NLGN4X: variants seen among roughly 807,000 people sequenced by gnomAD.
NLGN4X encodes the protein neuroligin 4 X-linked.
A neutral mutation model predicts 40.3 loss-of-function variants in NLGN4X; 3 were observed. The observed-to-expected ratio is 0.07, with a 90% CI of 0.03 to 0.19. The LOEUF (loss-of-function observed/expected upper bound fraction) is 0.19, where lower values mean the gene tolerates loss of function less well. Ranked by LOEUF, NLGN4X falls within the 10% of genes least tolerant of loss-of-function variation. The pLI, the probability that NLGN4X is intolerant of heterozygous loss-of-function variation, is 1.00. For missense variants in NLGN4X, 382 were observed against 708.3 expected (o/e 0.54, Z 5.23); for synonymous variants, 270 against 306.8 (o/e 0.88, Z 1.25).
In NLGN4X at chrX:6,049,227, A is replaced by AAGGGGAAGGGAGGGG. The variant is rs1569207590; in HGVS notation, c.473-19796_473-19795insCCCCTCCCTTCCCCT. On this transcript the variant is annotated intron_variant, in intron 2 of 5. Coordinates refer to ENST00000381095, the MANE Select transcript of NLGN4X (RefSeq NM_181332.3). Reference sequence around the variant, plus strand: ...TGGTCATTTAAGCTCCAGGCCAGGAAAGGGGAGGGGAGGGGAGGGGAGGGG... The same window carrying AAGGGGAAGGGAGGGG: ...TGGTCATTTAAGCTCCAGGCCAGGAAAGGGGAAGGGAGGGGAGGGGAGGGGAGGGGAGGGGAGGGG... Among the ~76,000 whole-genome samples the AAGGGGAAGGGAGGGG allele has an allele frequency of 4.2e-4, 4 of 9,585 alleles. 1 individual carries two copies. The highest frequency in any genetic ancestry group is 1.2e-3 in the African/African-American group (4 of 3,216). The allele number at this position is 9,585 out of a possible 115,157, so 8.3% of individuals were successfully genotyped here.
chrX:5,942,029 G>C (rs1362133908), intron 3 of NLGN4X, among the ~76,000 whole-genome samples: 1 of 111,244 alleles, frequency 9.0e-6, no homozygotes, highest in Admixed American at 9.6e-5. Context: ...GCTTAGGTGG[G>C]AGAACTGCTT....
intron 2 of NLGN4X, among the ~76,000 whole-genome samples, chrX:6,055,474 C>T (rs1475294925): frequency 9.0e-6 from 1 of 111,537 alleles, no homozygotes; most frequent in Admixed American, 9.5e-5. Context: ...GAGCAAGACA[C>T]TGAGAACTAC....
chrX:5,921,390 C>CGAGAGAGA (rs2033039435), intron 3 of NLGN4X, among the ~76,000 whole-genome samples: 1 of 17,193 alleles, frequency 5.8e-5, no homozygotes, highest in African/African-American at 2.3e-4. Context: ...TGAAAATGAA[C>CGAGAGAGA]CAGAGAGAGA....
intron 1 of NLGN4X, among the ~76,000 whole-genome samples, chrX:6,171,259 A>C (rs1480366083): frequency 8.9e-6 from 1 of 112,137 alleles, no homozygotes; most frequent in Non-Finnish European, 1.9e-5. Flanking sequence ...TTTTCATTTC[A>C]TGCTTTTCTG....
intron 3 of NLGN4X, among the ~76,000 whole-genome samples, chrX:5,957,143 A>G (rs1165266702): frequency 2.7e-5 from 3 of 111,931 alleles, no homozygotes; most frequent in Non-Finnish European, 5.6e-5. Flanking sequence ...ATCCTTGGGA[A>G]TCCCTGGTTT....
intron 2 of NLGN4X, among the ~76,000 whole-genome samples, chrX:6,036,679 T>C: frequency 9.1e-6 from 1 of 109,875 alleles, no homozygotes; most frequent in South Asian, 4.0e-4. Flanking sequence ...GTGAGTTTCC[T>C]TTATCTTCTC....
intron 3 of NLGN4X, among the ~76,000 whole-genome samples, chrX:5,995,783 C>T (rs764429487): frequency 1.8e-5 from 2 of 111,800 alleles, no homozygotes; most frequent in African/African-American, 6.5e-5. Context: ...TAAAAGTACC[C>T]TGTTCTTTTA....
chrX:6,225,889 C>CCT (rs1926240832), intron 1 of NLGN4X, among the ~76,000 whole-genome samples: 2 of 67,032 alleles, frequency 3.0e-5, no homozygotes, highest in Admixed American at 1.5e-4. Flanking sequence ...CAACAAACCA[C>CCT]CGCCCCCCCC....
At chrX:6,054,464 A>G (rs1014017320) in intron 2 of NLGN4X, among the ~76,000 whole-genome samples, 4 of 110,446 alleles carry the variant, frequency 3.6e-5, no homozygotes, top group African/African-American at 1.3e-4. Flanking sequence ...AAATAAAAAT[A>G]GAAAAATTAG....
At chrX:6,200,230 A>T (rs940202444) in intron 1 of NLGN4X, among the ~76,000 whole-genome samples, 5 of 112,310 alleles carry the variant, frequency 4.5e-5, no homozygotes, top group African/African-American at 1.6e-4. Flanking sequence ...ATAAGTAGAC[A>T]AAGAATAAAA....
intron 3 of NLGN4X, among the ~76,000 whole-genome samples, chrX:5,935,158 G>T (rs920576880): frequency 8.9e-6 from 1 of 111,771 alleles, no homozygotes; most frequent in African/African-American, 3.2e-5. Flanking sequence ...TATTAAAGAA[G>T]ATACTGAATA....
Position 6,054,682 on chromosome X carries a change from T to G in NLGN4X, c.473-25250A>C, listed in dbSNP as rs182409284. Among the ~76,000 whole-genome samples the G allele has an allele frequency of 7.3e-5, 8 of 109,971 alleles. No individual in the cohort carries two copies. The East Asian group carries it at 2.3e-3, about 32-fold the overall frequency. ...GAATTAATTTTTTTTTGAGATGGAG[T>G]TTTTTGCTTGTTTTGCCCAAGGTGG... On this transcript the variant is annotated intron_variant, in intron 2 of 5. Transcript: ENST00000381095.
rs757941713 is a variant in NLGN4X, at chrX:5,890,411, T to C, written c.*2406A>G. ...TAATCCCCTGTAAAAGCTAAAGTTATTCACTTAACAGGAACTCTGTTTTTC... is the reference window on the plus strand; with the variant it reads ...TAATCCCCTGTAAAAGCTAAAGTTACTCACTTAACAGGAACTCTGTTTTTC... On this transcript the variant is annotated 3_prime_UTR_variant, in exon 6 of 6. Coordinates refer to ENST00000381095, the MANE Select transcript of NLGN4X (RefSeq NM_181332.3). 1.6e-5 allele frequency: 4 copies of C among 246,057 alleles called. No individual in the cohort carries two copies. Among genetic ancestry groups the C allele is most frequent in the Non-Finnish European group, 2.2e-5 (3 of 135,749 alleles). The allele number at this position is 246,057 out of a possible 1,213,427, so 20.3% of individuals were successfully genotyped here.
chrX:6,146,419 G>T (rs886796886), intron 2 of NLGN4X, among the ~76,000 whole-genome samples: 1 of 111,802 alleles, frequency 8.9e-6, no homozygotes, highest in African/African-American at 3.2e-5. Flanking sequence ...AGCTTTCTTT[G>T]TTCCCTAACT....
At chrX:6,218,485 C>T (rs891546722) in intron 1 of NLGN4X, among the ~76,000 whole-genome samples, 12 of 108,920 alleles carry the variant, frequency 1.1e-4, no homozygotes, top group African/African-American at 3.4e-4. Flanking sequence ...CACACACACA[C>T]ACACACACAC....
At chrX:6,012,879 T>C (rs4330824) in intron 3 of NLGN4X, among the ~76,000 whole-genome samples, 19,756 of 111,085 alleles carry the variant, frequency 0.18, 1,334 homozygotes, top group African/African-American at 0.19. Flanking sequence ...TCCCAAACTA[T>C]GAGAAAGAGT....
chrX:6,164,434 T>C (rs1025985513), intron 1 of NLGN4X, among the ~76,000 whole-genome samples: 1 of 112,175 alleles, frequency 8.9e-6, no homozygotes, highest in Middle Eastern at 4.7e-3. Context: ...AAACACTCAA[T>C]TTCTAAATAG....
chrX:5,945,313 T>C (rs1474317102), intron 3 of NLGN4X, among the ~76,000 whole-genome samples: 1 of 111,550 alleles, frequency 9.0e-6, no homozygotes, highest in Non-Finnish European at 1.9e-5. Flanking sequence ...GCACTGATAG[T>C]GAACTTACTA....
At chrX:5,978,409 T>C (rs1182672786) in intron 3 of NLGN4X, among the ~76,000 whole-genome samples, 2 of 107,779 alleles carry the variant, frequency 1.9e-5, no homozygotes, top group African/African-American at 6.8e-5. Context: ...TTCCTTTCCT[T>C]TCCTTTATCA....
Sources: gnomAD v4.1 joint callset for allele counts (sites outside exome capture counted in the v4.1 genomes callset) on GRCh38, gnomAD v4.1.1 for gene constraint, MANE v1.5 for transcripts, NCBI Gene and HGNC (gene_info 2026-07-23, HGNC 2026-07-21) for gene names.